Variants in GMCL1 observed in about 807,000 individuals in gnomAD.
GMCL1 encodes germ cell-less 1, spermatogenesis associated.
Under a neutral mutation model 75.5 loss-of-function variants are expected in GMCL1, and 54 were observed. The observed-to-expected ratio is 0.71, with a 90% CI of 0.57 to 0.90. GMCL1 has a LOEUF of 0.90. Among genes scored for constraint, GMCL1 ranks in the 40% least tolerant of loss-of-function variants. The probability of loss-of-function intolerance (pLI) is 0.00; values close to 1 mark genes in which losing one functional copy is unlikely to be tolerated. For missense variants in GMCL1, 537 were observed against 622.7 expected, an observed-to-expected ratio of 0.86 and a Z score of 1.47; for synonymous variants, 210 against 209.6, an observed-to-expected ratio of 1.00 and a Z score of -0.02.
chr2:69,829,933 C>A lies in GMCL1; in HGVS notation c.41C>A (p.Pro14Gln). 4 of 1,604,380 alleles carry A rather than the reference C, an allele frequency of 2.5e-6. No homozygotes were observed. The South Asian group carries it at 3.3e-5, about 13-fold the overall frequency. The change falls in exon 1 of 14, where the codon CCA (proline) becomes CAA (glutamine). Residue 14 changes from proline (P) to glutamine (Q), a missense_variant. By Grantham distance (76) the Pro-to-Gln change is moderately conservative. This residue lies in a region of GMCL1 where 144 missense variants were observed against 127.2 expected (regional missense o/e 1.13). Coordinates refer to ENST00000282570, the MANE Select transcript of GMCL1 (RefSeq NM_178439.5). ...AGCCGGGTGCTGCGCCAGCCAAGAC[C>A]AGCCCTTGCCCAGCAGGCGCAGGGT... is the stretch of plus-strand genomic sequence containing the variant. Reference protein sequence around the residue: ...LSSRVLRQPRPALAQQAQGAR... With the variant: ...LSSRVLRQPRQALAQQAQGAR...
intron 13 of GMCL1, among the ~76,000 whole-genome samples, chr2:69,877,669 TACC>T (rs1471516142): frequency 6.6e-6 from 1 of 151,548 alleles, no homozygotes; most frequent in Non-Finnish European, 1.5e-5. Flanking sequence ...CTTTTTATAA[TACC>T]ACTTTCCCTC....
At chr2:69,862,010 A>G (rs1675666170) in intron 10 of GMCL1, among the ~76,000 whole-genome samples, 1 of 151,312 alleles carries the variant, frequency 6.6e-6, no homozygotes, top group African/African-American at 2.5e-5. Context: ...TCTCAAAAAA[A>G]CAAAACAAAC....
At chr2:69,855,572 A>G (rs1196388320) in intron 9 of GMCL1, among the ~76,000 whole-genome samples, 1 of 152,072 alleles carries the variant, frequency 6.6e-6, no homozygotes, top group African/African-American at 2.4e-5. Context: ...AGTTGTGATT[A>G]TTTTTGACAC....
intron 8 of GMCL1, among the ~76,000 whole-genome samples, chr2:69,854,108 A>T (rs1573357723): frequency 7.0e-6 from 1 of 142,588 alleles, no homozygotes. Flanking sequence ...CAGCCAAATT[A>T]TTCTATTTTC....
rs111414465 is a variant in GMCL1, at chr2:69,876,176, G to T, written c.1453-2733G>T. ...AATGTGTAGGAAGGATTAAAGATAT[G>T]ATAATGGCAATAAAACAATTTATGA... On this transcript the variant is annotated intron_variant, in intron 13 of 13. Coordinates refer to ENST00000282570, the MANE Select transcript of GMCL1 (RefSeq NM_178439.5). 5.3e-3 allele frequency among the ~76,000 whole-genome samples: 807 copies of T among 152,156 alleles called. 8 individuals are homozygous for T. Among genetic ancestry groups the T allele is most frequent in the African/African-American group, 0.019 (777 of 41,550 alleles).
At chr2:69,857,632 T>C (rs1281963016) in intron 9 of GMCL1, among the ~76,000 whole-genome samples, 6 of 152,242 alleles carry the variant, frequency 3.9e-5, no homozygotes, top group African/African-American at 1.4e-4. Flanking sequence ...ATAAGCATTT[T>C]TGAACCAGGC....
chr2:69,862,588 T>C (rs1198045439), intron 10 of GMCL1, among the ~76,000 whole-genome samples: 1 of 152,008 alleles, frequency 6.6e-6, no homozygotes, highest in African/African-American at 2.4e-5. Context: ...GGAGAAACCC[T>C]GTCTCTACTA....
intron 2 of GMCL1, among the ~76,000 whole-genome samples, chr2:69,838,824 T>C (rs577484208): frequency 1.3e-5 from 2 of 152,342 alleles, no homozygotes; most frequent in East Asian, 3.9e-4. Flanking sequence ...TGCTAAAATA[T>C]AAGCCCCCTG....
intron 6 of GMCL1, among the ~76,000 whole-genome samples, chr2:69,847,215 A>G (rs1447812296): frequency 1.3e-5 from 2 of 152,076 alleles, no homozygotes; most frequent in East Asian, 3.9e-4. Flanking sequence ...GAGCATACTT[A>G]AAGTTATCTT....
At chr2:69,857,951 A>C (rs1675526840) in intron 9 of GMCL1, among the ~76,000 whole-genome samples, 1 of 152,214 alleles carries the variant, frequency 6.6e-6, no homozygotes, top group African/African-American at 2.4e-5. Context: ...TGAATGTAAG[A>C]CATGAGATTT....
At chr2:69,870,603 G>A (rs7568485) in intron 12 of GMCL1, among the ~76,000 whole-genome samples, 5 of 151,870 alleles carry the variant, frequency 3.3e-5, no homozygotes, top group Admixed American at 6.6e-5. Context: ...TATTTGTAAC[G>A]CTACATTTGA....
intron 13 of GMCL1, among the ~76,000 whole-genome samples, chr2:69,876,535 T>A (rs1676133515): frequency 6.6e-6 from 1 of 152,212 alleles, no homozygotes; most frequent in Non-Finnish European, 1.5e-5. Flanking sequence ...ATTTGGAGTT[T>A]ACAAGTAATG....
rs10549628 is a variant in GMCL1 at position 69,877,706 on chromosome 2, TTGTGTG to T, written c.1453-1180_1453-1175del. Among the ~76,000 whole-genome samples, 626 of 149,910 alleles carry T rather than the reference TTGTGTG, an allele frequency of 4.2e-3. 2 individuals carry two copies. Among genetic ancestry groups the T allele is most frequent in the African/African-American group, 0.011 (436 of 40,742 alleles). On this transcript the variant is annotated intron_variant, in intron 13 of 13. Transcript: ENST00000282570. ...TCGTACAGAGAGAGAGATTGTGTGT[TTGTGTG>T]TGTGTGTGTGTGTGTGTGTGTGAGA...
rs61756683 is a variant in GMCL1 at position 69,869,846 on chromosome 2, G to A, written c.1346G>A (p.Arg449Gln). ...AGCGGATCTGTCAGTTTACAGCCTC[G>A]AAGGAGCATAGCATTTAGGTAGGAT... ...PCSGSVSLQP[R>Q]RSIAFRLRLA... The change falls in exon 12 of 14, where the codon CGA (arginine) becomes CAA (glutamine). Residue 449 changes from arginine to glutamine, a missense_variant. By Grantham distance (43) the Arg-to-Gln change is conservative. This residue lies in a region of GMCL1 where 345 missense variants were observed against 410.5 expected (regional missense o/e 0.84). Transcript: ENST00000282570. 9.1e-4 allele frequency: 1,462 copies of A among 1,613,536 alleles called. 9 individuals are homozygous for A. The African/African-American group carries it at 0.017, about 19-fold the overall frequency.
intron 1 of GMCL1, among the ~76,000 whole-genome samples, chr2:69,831,394 C>T (rs1047690952): frequency 2.0e-5 from 3 of 151,966 alleles, no homozygotes; most frequent in African/African-American, 7.3e-5. Flanking sequence ...ACTGTGAATA[C>T]TATTCAGTAA....
chr2:69,854,140 A>G (rs572675833), intron 8 of GMCL1, among the ~76,000 whole-genome samples: 1 of 146,630 alleles, frequency 6.8e-6, no homozygotes, highest in East Asian at 2.0e-4. Context: ...TATTATTATT[A>G]TTATTATTAT....
intron 13 of GMCL1, among the ~76,000 whole-genome samples, chr2:69,874,322 G>A (rs766352905): frequency 3.9e-5 from 6 of 151,956 alleles, no homozygotes; most frequent in Admixed American, 1.3e-4. Flanking sequence ...CTATCCCAGC[G>A]TAGTAAATGT....
Position 69,841,034 on chromosome 2 carries a change from C to T in GMCL1, c.574C>T (p.Gln192Ter). 2 of 1,611,600 alleles carry T rather than the reference C, an allele frequency of 1.2e-6. No homozygotes were observed. The highest frequency in any genetic ancestry group is 1.7e-6 in the Non-Finnish European group (2 of 1,177,776). Reference sequence around the variant, plus strand: ...CATTTTGGCAGCAGCTTGTTTGCTGCAGTTGGTAAGTATGCACGTTATTCG... The same window carrying T: ...CATTTTGGCAGCAGCTTGTTTGCTGTAGTTGGTAAGTATGCACGTTATTCG... ...VAILAAACLL[Q>*]LDGLIQQCGE... Residue 192 changes from glutamine to a stop codon, truncating the protein, a stop_gained, in exon 4 of 14, where the codon CAG (glutamine) becomes TAG (stop). Transcript: ENST00000282570. LOFTEE classifies it high-confidence loss of function.
chr2:69,841,520 G>A (rs891684446), intron 4 of GMCL1, among the ~76,000 whole-genome samples: 1 of 152,176 alleles, frequency 6.6e-6, no homozygotes, highest in African/African-American at 2.4e-5. Flanking sequence ...AGTGTGTTGA[G>A]CACTGTGTCA....
Sources: allele counts gnomAD v4.1 joint callset (sites outside exome capture counted in the v4.1 genomes callset), GRCh38; gene constraint gnomAD v4.1.1; regional missense constraint gnomAD v4.1.1; transcripts MANE v1.5; gene names NCBI Gene and HGNC (gene_info 2026-07-23, HGNC 2026-07-21).